The following MBP variants were observed in gnomAD, a reference collection of about 807,000 sequenced individuals.
The protein encoded by MBP is Golli-MBP.
A neutral mutation model predicts 35.8 loss-of-function variants in MBP; 16 were observed. That is an observed-to-expected ratio of 0.45 (90% CI 0.30 to 0.68). The LOEUF is 0.68. Ranked by LOEUF, MBP falls within the 30% of genes least tolerant of loss-of-function variation. MBP has a pLI of 0.08. For missense variants in MBP, 380 were observed against 404.7 expected (o/e 0.94, Z 0.52); for synonymous variants, 143 against 159.6 (o/e 0.90, Z 0.78).
chr18:77,025,194 T>A (rs1972158598), intron 3 of MBP, among the ~76,000 whole-genome samples: 1 of 152,210 alleles, frequency 6.6e-6, no homozygotes, highest in African/African-American at 2.4e-5. Context: ...CCTCTAGCTG[T>A]CTGACACCAG....
chr18:77,106,774 G>A (rs1432488763), intron 1 of MBP, among the ~76,000 whole-genome samples: 1 of 152,202 alleles, frequency 6.6e-6, no homozygotes, highest in Non-Finnish European at 1.5e-5. Context: ...AGTTTGATAT[G>A]TATGATTTTA....
chr18:77,054,758 A>G (rs539980690), intron 3 of MBP, among the ~76,000 whole-genome samples: 4 of 152,280 alleles, frequency 2.6e-5, no homozygotes, highest in South Asian at 4.1e-4. Context: ...AACCATGCAC[A>G]CATCTCAAAT....
chr18:77,099,576 C>T (rs534837473), intron 2 of MBP, among the ~76,000 whole-genome samples: 29 of 152,362 alleles, frequency 1.9e-4, no homozygotes, highest in Middle Eastern at 3.4e-3. Context: ...CGTTTCTGCC[C>T]GGCTGTGCCA....
chr18:77,041,784 G>A (rs1427971417), intron 3 of MBP, among the ~76,000 whole-genome samples: 1 of 116,286 alleles, frequency 8.6e-6, no homozygotes, highest in African/African-American at 3.1e-5. Context: ...GTTGTGGGGT[G>A]GGGGGAGGGG....
At chr18:77,118,286 T>C (rs1976760973) in intron 1 of MBP, among the ~76,000 whole-genome samples, 1 of 151,690 alleles carries the variant, frequency 6.6e-6, no homozygotes, top group South Asian at 2.1e-4. Flanking sequence ...ATCTCTCCCC[T>C]AGGGTGGATT....
chr18:77,062,511 G>GAA (rs3056727), intron 3 of MBP, among the ~76,000 whole-genome samples: 7,315 of 131,884 alleles, frequency 0.055, 233 homozygotes, highest in Middle Eastern at 0.1. Flanking sequence ...GAAAGCTGTC[G>GAA]AAAAAAAAAA....
chr18:76,986,366 C>A (rs1969558609), intron 7 of MBP: 1 of 985,512 alleles, frequency 1.0e-6, no homozygotes, highest in Non-Finnish European at 1.2e-6. Flanking sequence ...CTTGACCAAC[C>A]TAGCCCATCT....
intron 2 of MBP, chr18:77,093,179 C>T (rs1329957463): frequency 6.6e-6 from 1 of 152,172 alleles, no homozygotes; most frequent in Non-Finnish European, 1.5e-5. Flanking sequence ...TCAGCCAGAC[C>T]CGGGGTCGAG....
chr18:76,987,492 C>T (rs1006931774), intron 7 of MBP: 1 of 985,510 alleles, frequency 1.0e-6, no homozygotes, highest in Non-Finnish European at 1.2e-6. Flanking sequence ...AAGTACCCTG[C>T]CCCTTCCTCC....
chr18:76,984,661 C>A (rs1969431148), intron 8 of MBP, 114 bp downstream of exon 8: 8 of 1,445,676 alleles, frequency 5.5e-6, no homozygotes, highest in Non-Finnish European at 7.7e-6. Flanking sequence ...CAGAGCACGT[C>A]CAGGGTACAG....
chr18:77,080,193 T>C (rs929937105), intron 2 of MBP, among the ~76,000 whole-genome samples: 1 of 152,264 alleles, frequency 6.6e-6, no homozygotes, highest in Non-Finnish European at 1.5e-5. Context: ...CTAGACTGGA[T>C]TTCCATAAGT....
chr18:77,003,574 G>A (rs1425530219), intron 4 of MBP: 1 of 152,186 alleles, frequency 6.6e-6, no homozygotes, highest in African/African-American at 2.4e-5. Context: ...GAAGATAGTG[G>A]TGTCACTGTT....
intron 3 of MBP, among the ~76,000 whole-genome samples, chr18:77,024,013 T>C (rs962537482): frequency 3.9e-5 from 6 of 152,234 alleles, no homozygotes; most frequent in Admixed American, 1.3e-4. Flanking sequence ...TACTGGAGTA[T>C]ACTCCAAAAG....
At chr18:77,029,122 T>C (rs1375742596) in intron 3 of MBP, among the ~76,000 whole-genome samples, 1 of 107,760 alleles carries the variant, frequency 9.3e-6, no homozygotes, top group Non-Finnish European at 2.3e-5. Context: ...CTGGGCACCA[T>C]TGAGCACTGA....
intron 2 of MBP, among the ~76,000 whole-genome samples, chr18:77,069,965 A>T (rs1363654605): frequency 6.6e-6 from 1 of 152,220 alleles, no homozygotes; most frequent in Non-Finnish European, 1.5e-5. Context: ...TGCAGAAAGT[A>T]CATACGGGCC....
chr18:77,042,241 C>A (rs1051717178), intron 3 of MBP, among the ~76,000 whole-genome samples: 10 of 152,106 alleles, frequency 6.6e-5, no homozygotes, highest in African/African-American at 2.4e-4. Flanking sequence ...TCCTTTCAGA[C>A]AAAGGCACGT....
At chr18:77,022,293 C>A (rs573379629) in intron 3 of MBP, among the ~76,000 whole-genome samples, 1 of 152,316 alleles carries the variant, frequency 6.6e-6, no homozygotes, top group South Asian at 2.1e-4. Flanking sequence ...TTGCGTACGG[C>A]TGCCAGTGTG....
At chr18:77,039,958 A>G (rs1236924553) in intron 3 of MBP, among the ~76,000 whole-genome samples, 1 of 152,218 alleles carries the variant, frequency 6.6e-6, no homozygotes, top group Non-Finnish European at 1.5e-5. Context: ...ATGACTCTAC[A>G]GCATGACTGC....
Position 76,980,440 on chromosome 18 carries a change from ATGGGTGATCCAG to A in MBP, c.890_901del (p.Ser297_Met301delinsLeu). 6.2e-7 allele frequency: 1 copy of A among 1,613,844 alleles called. No individual in the cohort carries two copies. The highest frequency in any genetic ancestry group is 8.5e-7 in the Non-Finnish European group (1 of 1,179,794). Reference sequence around the variant, plus strand: ...CCAGGTGGGTTTTCAGCGTCTAGCCATGGGTGATCCAGAGCGACTATCTCTTCCTCCCTGAAA... The same window carrying A: ...CCAGGTGGGTTTTCAGCGTCTAGCCAAGCGACTATCTCTTCCTCCCTGAAA... On this transcript the variant is annotated inframe_deletion, in exon 9 of 9. Coordinates refer to ENST00000355994, the MANE Select transcript of MBP (RefSeq NM_001025101.2).
Sources: gnomAD v4.1 joint callset for allele counts (sites outside exome capture counted in the v4.1 genomes callset) on GRCh38, gnomAD v4.1.1 for gene constraint, MANE v1.5 for transcripts, NCBI Gene and HGNC (gene_info 2026-07-23, HGNC 2026-07-21) for gene names.